The following ZFPM2 variants were observed in gnomAD, a reference collection of about 807,000 sequenced individuals.
ZFPM2 encodes zinc finger protein ZFPM2.
ZFPM2 carries 20 observed loss-of-function variants against 98.6 expected under a neutral mutation model. The ratio of observed to expected loss-of-function variants is 0.20; its 90% CI spans 0.14 to 0.29. The LOEUF (loss-of-function observed/expected upper bound fraction) is 0.29. Ranked by LOEUF, ZFPM2 falls within the 10% of genes least tolerant of loss-of-function variation. The probability of loss-of-function intolerance (pLI) is 1.00; values close to 1 mark genes in which losing one functional copy is unlikely to be tolerated. For missense variants in ZFPM2, 1,310 were observed against 1,388.6 expected (o/e 0.94, Z 0.90); for synonymous variants, 518 against 502.7 (o/e 1.03, Z -0.41).
intron 5 of ZFPM2, among the ~76,000 whole-genome samples, chr8:105,645,240 A>G (rs1034974715): frequency 6.6e-6 from 1 of 152,214 alleles, no homozygotes; most frequent in Non-Finnish European, 1.5e-5. Flanking sequence ...GACTTTCTAC[A>G]GTATCCTAAA....
intron 1 of ZFPM2, among the ~76,000 whole-genome samples, chr8:105,372,836 G>A (rs1466406281): frequency 6.6e-6 from 1 of 152,082 alleles, no homozygotes; most frequent in Admixed American, 6.6e-5. Flanking sequence ...GACATGCACC[G>A]TATTAGGAAT....
chr8:105,544,402 G>T (rs1563710497), intron 3 of ZFPM2, among the ~76,000 whole-genome samples: 1 of 152,020 alleles, frequency 6.6e-6, no homozygotes, highest in Non-Finnish European at 1.5e-5. Context: ...CCTTGTAATT[G>T]ATTATGTGTT....
At chr8:105,510,055 G>T (rs1403915484) in intron 3 of ZFPM2, among the ~76,000 whole-genome samples, 1 of 152,030 alleles carries the variant, frequency 6.6e-6, no homozygotes, top group Admixed American at 6.6e-5. Context: ...CCTTCACCTA[G>T]TCCCAAAGCA....
intron 6 of ZFPM2, among the ~76,000 whole-genome samples, chr8:105,795,460 G>GA (rs1287416486): frequency 2.0e-5 from 3 of 150,894 alleles, no homozygotes; most frequent in East Asian, 3.9e-4. Flanking sequence ...TTCTATAGTA[G>GA]AAAAAATGTG....
intron 1 of ZFPM2, among the ~76,000 whole-genome samples, chr8:105,342,075 T>C (rs1483098395): frequency 6.6e-6 from 1 of 152,080 alleles, no homozygotes; most frequent in African/African-American, 2.4e-5. Flanking sequence ...CTAATATGTG[T>C]CTTCTCAGAT....
At chr8:105,393,255 G>A (rs2129942599) in intron 1 of ZFPM2, among the ~76,000 whole-genome samples, 1 of 152,196 alleles carries the variant, frequency 6.6e-6, no homozygotes, top group Non-Finnish European at 1.5e-5. Flanking sequence ...AAAAATAGCT[G>A]AAGCATGTGC....
intron 5 of ZFPM2, among the ~76,000 whole-genome samples, chr8:105,694,275 C>T (rs973487862): frequency 1.3e-4 from 19 of 151,954 alleles, no homozygotes; most frequent in Non-Finnish European, 2.4e-4. Flanking sequence ...CCTGAGCCAC[C>T]GCGCCCAGCC....
intron 3 of ZFPM2, among the ~76,000 whole-genome samples, chr8:105,491,462 C>T (rs983979896): frequency 5.3e-5 from 8 of 152,050 alleles, no homozygotes; most frequent in East Asian, 3.8e-4. Flanking sequence ...GACATGTTGC[C>T]GGATCATCAT....
intron 3 of ZFPM2, among the ~76,000 whole-genome samples, chr8:105,514,256 G>A (rs1232260424): frequency 6.6e-6 from 1 of 150,454 alleles, no homozygotes; most frequent in Admixed American, 6.6e-5. Flanking sequence ...ACCTGCCTTG[G>A]CCTCCCAAAG....
intron 3 of ZFPM2, among the ~76,000 whole-genome samples, chr8:105,460,702 C>G (rs1450000895): frequency 6.6e-6 from 1 of 151,896 alleles, no homozygotes; most frequent in African/African-American, 2.4e-5. Context: ...GTACTTTTAC[C>G]TTGCTTTGTC....
intron 1 of ZFPM2, among the ~76,000 whole-genome samples, chr8:105,405,099 C>A (rs1811990585): frequency 6.6e-6 from 1 of 152,030 alleles, no homozygotes; most frequent in South Asian, 2.1e-4. Context: ...GGAAACAAGG[C>A]TTCATAGGAA....
chr8:105,487,895 T>C (rs1242018972), intron 3 of ZFPM2, among the ~76,000 whole-genome samples: 1 of 65,178 alleles, frequency 1.5e-5, no homozygotes, highest in African/African-American at 4.8e-5. Flanking sequence ...TCTGTCTGTC[T>C]ATCTATCTAT....
intron 3 of ZFPM2, among the ~76,000 whole-genome samples, chr8:105,485,672 A>G (rs1044047215): frequency 6.6e-6 from 1 of 152,204 alleles, no homozygotes; most frequent in Non-Finnish European, 1.5e-5. Context: ...AAGAGCAACT[A>G]TAGACTCTAA....
chr8:105,516,773 T>C (rs1200676440), intron 3 of ZFPM2, among the ~76,000 whole-genome samples: 4 of 152,206 alleles, frequency 2.6e-5, no homozygotes, highest in African/African-American at 9.7e-5. Context: ...ATAGTTAAAA[T>C]TTGTCAAAAG....
chr8:105,330,569 CATATATAT>C (rs56134125), intron 1 of ZFPM2, among the ~76,000 whole-genome samples: 578 of 52,662 alleles, frequency 0.011, 7 homozygotes, highest in African/African-American at 0.031. Flanking sequence ...TATATATATA[CATATATAT>C]ATACATATAT....
intron 3 of ZFPM2, among the ~76,000 whole-genome samples, chr8:105,481,247 A>T (rs535309799): frequency 3.3e-5 from 5 of 152,222 alleles, no homozygotes; most frequent in African/African-American, 9.6e-5. Context: ...GTTTTGCTCC[A>T]CTGTATTAAT....
chr8:105,706,683 G>A (rs112938774), intron 5 of ZFPM2, among the ~76,000 whole-genome samples: 13,234 of 151,958 alleles, frequency 0.087, 885 homozygotes, highest in African/African-American at 0.19. Flanking sequence ...AGGTTCAAGC[G>A]ATTCTCTTGC....
intron 5 of ZFPM2, among the ~76,000 whole-genome samples, chr8:105,683,020 A>G (rs1276861054): frequency 6.6e-6 from 1 of 152,018 alleles, no homozygotes; most frequent in Non-Finnish European, 1.5e-5. Context: ...TATAGAGGGC[A>G]TCTTCTTGTT....
intron 1 of ZFPM2, chr8:105,418,803 A>G (rs1174243075): frequency 3.8e-6 from 2 of 519,484 alleles, no homozygotes; most frequent in South Asian, 2.9e-5. Flanking sequence ...TTTACCAGAT[A>G]GTTAATTCTA....
Sources: allele counts gnomAD v4.1 joint callset (sites outside exome capture counted in the v4.1 genomes callset), GRCh38; gene constraint gnomAD v4.1.1; transcripts MANE v1.5; gene names NCBI Gene and HGNC (gene_info 2026-07-23, HGNC 2026-07-21).